SAMD8: variants seen among roughly 807,000 people sequenced by gnomAD.
The protein encoded by SAMD8 is sterile alpha motif domain containing 8, also known as sphingomyelin synthase-related protein 1.
SAMD8 carries 20 observed loss-of-function variants against 42.0 expected under a neutral mutation model. That is an observed-to-expected ratio of 0.48 (90% CI 0.34 to 0.69). The LOEUF is 0.69. Among genes scored for constraint, SAMD8 ranks in the 30% least tolerant of loss-of-function variants. The pLI, the probability that SAMD8 is intolerant of heterozygous loss-of-function variation, is 0.01. For synonymous variants in SAMD8, 162 were observed against 173.0 expected (o/e 0.94, Z 0.50); for missense variants, 328 against 511.6 (o/e 0.64, Z 3.46).
rs1554862369 is a variant in SAMD8, at chr10:75,159,063, C to CTTTTCTT, written c.579-5578_579-5577insCTTTTTT. 7.5e-4 allele frequency among the ~76,000 whole-genome samples: 100 copies of CTTTTCTT among 133,456 alleles called. 1 individual carries two copies. Among genetic ancestry groups the CTTTTCTT allele is most frequent in the Non-Finnish European group, 1.4e-3 (88 of 63,558 alleles). 87.6% of individuals were successfully genotyped at this position (133,456 alleles called of 152,430 possible). A position where few individuals can be genotyped will look rare whatever the true frequency, so the allele number is the denominator to read the frequency against. On this transcript the variant is annotated intron_variant, in intron 2 of 5. Transcript: ENST00000542569. ...TGTAGACAAATTTTTTTTTCTTTTT[C>CTTTTCTT]TTTTTTTTTTTTTGAGACAGAGTCT...
intron 1 of SAMD8, among the ~76,000 whole-genome samples, chr10:75,141,460 A>G (rs1840012955): frequency 6.6e-6 from 1 of 151,658 alleles, no homozygotes; most frequent in Non-Finnish European, 1.5e-5. Flanking sequence ...GGTATAGTCT[A>G]TTGAATTTTC....
rs765504273 is a variant in SAMD8, at chr10:75,168,528, T to C, written c.675-13T>C. 8.7e-6 allele frequency: 14 copies of C among 1,609,748 alleles called. No homozygotes were observed. Among genetic ancestry groups the C allele is most frequent in the Non-Finnish European group, 1.2e-5 (14 of 1,176,794 alleles). ...CTTCTGATCTTTCCCCCTTTTTGGT[T>C]GATCTGTTACAGGTCAATACTTCTG... On this transcript the variant is annotated splice_polypyrimidine_tract_variant and intron_variant, in intron 3 of 5. Coordinates refer to ENST00000542569, the MANE Select transcript of SAMD8 (RefSeq NM_001174156.2).
At chr10:75,101,213 A>G (rs1589898440) in intron 1 of SAMD8, among the ~76,000 whole-genome samples, 1 of 152,274 alleles carries the variant, frequency 6.6e-6, no homozygotes, top group Middle Eastern at 3.4e-3. Flanking sequence ...TGGTACTTGC[A>G]GCTATGTGGT....
rs140096486 is a variant in SAMD8 at position 75,157,690 on chromosome 10, G to A, written c.578+6584G>A. On this transcript the variant is annotated intron_variant, in intron 2 of 5. Coordinates refer to ENST00000542569, the MANE Select transcript of SAMD8 (RefSeq NM_001174156.2). ...TAGCAGCACTTAATGGTCTCCTTGA[G>A]GTTAGTAGTCATATTAGCATTGTGT... 2.6e-5 allele frequency among the ~76,000 whole-genome samples: 4 copies of A among 152,258 alleles called. No individual in the cohort carries two copies. The East Asian group carries it at 7.7e-4, about 29-fold the overall frequency.
At chr10:75,108,249 A>G, upstream of SAMD8, 1 of 1,561,244 alleles carries the variant, frequency 6.4e-7, no homozygotes, top group South Asian at 1.2e-5. Context: ...CGGCCAAGCC[A>G]TGGGACCAGG....
intron 1 of SAMD8, among the ~76,000 whole-genome samples, chr10:75,146,404 C>G (rs1455204688): frequency 1.3e-5 from 2 of 151,398 alleles, no homozygotes; most frequent in Non-Finnish European, 2.9e-5. Context: ...TCTGCCTCAG[C>G]CTCCCAAGTA....
chr10:75,180,302 T>C lies in SAMD8; in HGVS notation c.*3610T>C, dbSNP rs1841058173. 1 of 152,232 alleles carries C rather than the reference T, an allele frequency of 6.6e-6. No individual in the cohort carries two copies. Among genetic ancestry groups the C allele is most frequent in the Non-Finnish European group, 1.5e-5 (1 of 68,048 alleles). 9.4% of individuals were successfully genotyped at this position (152,232 alleles called of 1,614,324 possible). A position where few individuals can be genotyped will look rare whatever the true frequency, so the allele number is the denominator to read the frequency against. Reference sequence around the variant, plus strand: ...CCAGTCAGTTAAATAATGCGGACTATGCCTATAATCCCAGCACTTTAGGAG... The same window carrying C: ...CCAGTCAGTTAAATAATGCGGACTACGCCTATAATCCCAGCACTTTAGGAG... On this transcript the variant is annotated 3_prime_UTR_variant, in exon 6 of 6. Coordinates refer to ENST00000542569, the MANE Select transcript of SAMD8 (RefSeq NM_001174156.2).
At chr10:75,127,186 T>TTA (rs1188211235) in intron 1 of SAMD8, among the ~76,000 whole-genome samples, 1 of 70,946 alleles carries the variant, frequency 1.4e-5, no homozygotes, top group Non-Finnish European at 2.4e-5. Context: ...AGACTCTGTC[T>TTA]CAAAAAAAAA....
chr10:75,112,093 G>C (rs1177899864), intron 1 of SAMD8, among the ~76,000 whole-genome samples: 1 of 152,194 alleles, frequency 6.6e-6, no homozygotes, highest in Non-Finnish European at 1.5e-5. Flanking sequence ...TGGCAGCGGG[G>C]ATGAGGAGTC....
chr10:75,150,824 C>G lies in SAMD8; in HGVS notation c.296C>G (p.Pro99Arg). ...GACAGTCCCATGGGTTCCATGACCC[C>G]TTTCATCAGTGCTCTTCAGAGTACA... ...NSDSPMGSMT[P>R]FISALQSTDW... is the part of the protein sequence containing the mutation. The change falls in exon 2 of 6, where the codon CCT (proline) becomes CGT (arginine). Residue 99 changes from proline to arginine, a missense_variant. Pro to Arg is a moderately radical substitution (Grantham distance 103, BLOSUM62 -2). Coordinates refer to ENST00000542569, the MANE Select transcript of SAMD8 (RefSeq NM_001174156.2). 4 of 1,614,156 alleles carry G rather than the reference C, an allele frequency of 2.5e-6. No homozygotes were observed. Among genetic ancestry groups the G allele is most frequent in the Non-Finnish European group, 3.4e-6 (4 of 1,180,044 alleles).
chr10:75,172,088 C>CTTTTCA (rs1840880779), intron 4 of SAMD8, among the ~76,000 whole-genome samples: 1 of 151,922 alleles, frequency 6.6e-6, no homozygotes, highest in African/African-American at 2.4e-5. Context: ...GAGTTTTTCA[C>CTTTTCA]TACTGCCAAC....
chr10:75,111,569 C>G (rs1188656641), upstream of SAMD8: 6 of 1,249,510 alleles, frequency 4.8e-6, no homozygotes, highest in Admixed American at 2.5e-4. Context: ...GCAGTCGCCA[C>G]CGCCCCCGCC....
chr10:75,120,572 G>A (rs554371684), intron 1 of SAMD8, among the ~76,000 whole-genome samples: 2 of 151,640 alleles, frequency 1.3e-5, no homozygotes, highest in Non-Finnish European at 2.9e-5. Context: ...CCCGGCCAGC[G>A]TCATACTTTT....
upstream of SAMD8, among the ~76,000 whole-genome samples, chr10:75,109,485 T>C (rs1397083840): frequency 6.6e-6 from 1 of 152,196 alleles, no homozygotes; most frequent in African/African-American, 2.4e-5. Flanking sequence ...TGACACATAG[T>C]AGGTGCTTAG....
intron 1 of SAMD8, among the ~76,000 whole-genome samples, chr10:75,102,348 C>A (rs1848220627): frequency 6.6e-6 from 1 of 152,200 alleles, no homozygotes; most frequent in African/African-American, 2.4e-5. Flanking sequence ...GAGGCTGAGG[C>A]AGGAGAATGG....
intron 1 of SAMD8, among the ~76,000 whole-genome samples, chr10:75,140,784 T>A (rs1205306853): frequency 2.0e-5 from 3 of 152,208 alleles, no homozygotes; most frequent in Non-Finnish European, 2.9e-5. Context: ...TCTACAAAAT[T>A]AAAGGCCCGT....
At chr10:75,135,004 T>C (rs1450865481) in intron 1 of SAMD8, among the ~76,000 whole-genome samples, 2 of 151,928 alleles carry the variant, frequency 1.3e-5, no homozygotes, top group Non-Finnish European at 2.9e-5. Flanking sequence ...GAGGTTTCAT[T>C]GAGCTATAAT....
intron 1 of SAMD8, among the ~76,000 whole-genome samples, chr10:75,145,177 C>G (rs111789764): frequency 6.6e-6 from 1 of 152,036 alleles, no homozygotes; most frequent in Non-Finnish European, 1.5e-5. Context: ...AACTCCTGGC[C>G]GCAAGGGATC....
chr10:75,122,691 T>C (rs1213931520), intron 1 of SAMD8, among the ~76,000 whole-genome samples: 3 of 151,976 alleles, frequency 2.0e-5, no homozygotes, highest in African/African-American at 7.2e-5. Flanking sequence ...TTTGGGAGGC[T>C]GACAGGAATG....
Sources: gnomAD v4.1 joint callset for allele counts (sites outside exome capture counted in the v4.1 genomes callset) on GRCh38, gnomAD v4.1.1 for gene constraint, MANE v1.5 for transcripts, NCBI Gene and HGNC (gene_info 2026-07-23, HGNC 2026-07-21) for gene names.